The following COL5A1 variants were observed in gnomAD, a reference collection of about 807,000 sequenced individuals.
The protein encoded by COL5A1 is collagen alpha-1(V) chain.
A neutral mutation model predicts 263.7 loss-of-function variants in COL5A1; 16 were observed. The observed-to-expected ratio is 0.06, with a 90% CI of 0.04 to 0.09. The LOEUF is 0.09. Among genes scored for constraint, COL5A1 ranks in the 10% least tolerant of loss-of-function variants. The pLI is 1.00. For synonymous variants in COL5A1, 1,012 were observed against 1,004.5 expected, an observed-to-expected ratio of 1.01 and a Z score of -0.14; for missense variants, 2,036 against 2,540.5, an observed-to-expected ratio of 0.80 and a Z score of 4.27.
In COL5A1 at chr9:134,821,284, C is replaced by T. The variant is rs550741162; in HGVS notation, c.4555-813C>T. Among the ~76,000 whole-genome samples the T allele has an allele frequency of 9.2e-4, 140 of 152,196 alleles. No individual in the cohort carries two copies. Among genetic ancestry groups the T allele is most frequent in the Non-Finnish European group, 1.3e-3 (86 of 68,006 alleles). ...CCCTCACCCCAAACCATGGTCTTGG[C>T]GGCATTGCTGATGAAGGTGTCGGGT... is the stretch of plus-strand genomic sequence containing the variant. On this transcript the variant is annotated intron_variant, in intron 58 of 65. Coordinates refer to ENST00000371817, the MANE Select transcript of COL5A1 (RefSeq NM_000093.5). This position sits in a 1 kb window ranked among gnomAD's most constrained non-coding sequence, Gnocchi z 4.2.
chr9:134,819,939 C>G (rs749976038), intron 57 of COL5A1, among the ~76,000 whole-genome samples, 177 bp from the exon 58 acceptor site: 1 of 152,200 alleles, frequency 6.6e-6, no homozygotes, highest in Admixed American at 6.5e-5. Flanking sequence ...AGGGCCACCT[C>G]GGACCTGCCG....
At chr9:134,805,739 A>C (rs1355643825) in intron 41 of COL5A1, among the ~76,000 whole-genome samples, 2 of 151,936 alleles carry the variant, frequency 1.3e-5, no homozygotes, top group African/African-American at 4.8e-5. Context: ...CAGAGAGGGG[A>C]GTGGGTGCCC....
chr9:134,725,350 G>A lies in COL5A1; in HGVS notation c.655-1916G>A, dbSNP rs181290668. Among the ~76,000 whole-genome samples, 60 of 152,316 alleles carry A rather than the reference G, an allele frequency of 3.9e-4. 1 individual carries two copies. The highest frequency in any genetic ancestry group is 7.2e-4 in the Admixed American group (11 of 15,296). Reference sequence around the variant, plus strand: ...GTTCTTGAGGGCACAGAGAGACCAGGTGCAGGCTCTTTACCTTGTACTTGA... The same window carrying A: ...GTTCTTGAGGGCACAGAGAGACCAGATGCAGGCTCTTTACCTTGTACTTGA... On this transcript the variant is annotated intron_variant, in intron 4 of 65. Coordinates refer to ENST00000371817, the MANE Select transcript of COL5A1 (RefSeq NM_000093.5).
At chr9:134,668,939 C>T (rs1340067204) in intron 1 of COL5A1, among the ~76,000 whole-genome samples, 1 of 147,370 alleles carries the variant, frequency 6.8e-6, no homozygotes, top group East Asian at 2.0e-4. Flanking sequence ...AATCATCCAT[C>T]CTTCCACCCA....
At chr9:134,815,659 A>AT (rs777489011) in intron 51 of COL5A1, 30 bp downstream of exon 51, 7 of 1,610,638 alleles carry the variant, frequency 4.3e-6, no homozygotes, top group Non-Finnish European at 5.9e-6. Flanking sequence ...AAGCCACCGG[A>AT]TCCCCCACAG....
intron 32 of COL5A1, among the ~76,000 whole-genome samples, chr9:134,793,247 TC>T (rs755141740): frequency 4.5e-4 from 68 of 151,894 alleles, no homozygotes; most frequent in Non-Finnish European, 8.4e-4. Context: ...GTGTTTGACT[TC>T]CCCAGTAGAA....
chr9:134,744,120 C>G (rs908724716), intron 11 of COL5A1, among the ~76,000 whole-genome samples: 1 of 152,210 alleles, frequency 6.6e-6, no homozygotes, highest in Admixed American at 6.5e-5. Context: ...TCGAGAAAAG[C>G]TGTGGGGAAG....
chr9:134,815,660 TC>T (rs1838717237), intron 51 of COL5A1, 31 bp downstream of exon 51: 27 of 1,609,670 alleles, frequency 1.7e-5, no homozygotes, highest in Non-Finnish European at 2.3e-5. Context: ...AGCCACCGGA[TC>T]CCCCACAGTG....
chr9:134,705,901 G>A (rs1239962220), intron 4 of COL5A1, among the ~76,000 whole-genome samples: 1 of 152,234 alleles, frequency 6.6e-6, no homozygotes, highest in East Asian at 1.9e-4. Context: ...GAGGTCCATG[G>A]GGAAAGAACT....
chr9:134,823,302 TG>T (rs1839099559), intron 60 of COL5A1, 113 bp from the exon 61 acceptor site: 3 of 1,193,644 alleles, frequency 2.5e-6, no homozygotes, highest in Non-Finnish European at 3.8e-6. Flanking sequence ...CTGCTGTGGC[TG>T]ATAGGGCCAC....
rs377179559 is a variant in COL5A1 at position 134,642,767 on chromosome 9, C to T, written c.109+471C>T. Among the ~76,000 whole-genome samples the T allele has an allele frequency of 2.4e-4, 37 of 152,332 alleles. No homozygotes were observed. The highest frequency in any genetic ancestry group is 8.9e-4 in the African/African-American group (37 of 41,590). On this transcript the variant is annotated intron_variant, in intron 1 of 65. Transcript: ENST00000371817. The surrounding 1 kb of genome is among the most constrained non-coding windows in gnomAD (Gnocchi z 4.5). ...ATGGGGGGAATCCCAGAAGCCTGGG[C>T]CCCCAGCACTGAACTTCCCCCAGGC... is the stretch of plus-strand genomic sequence containing the variant.
chr9:134,806,795 TGGG>T (rs1838312891), intron 42 of COL5A1, among the ~76,000 whole-genome samples: 2 of 152,018 alleles, frequency 1.3e-5, no homozygotes, highest in African/African-American at 4.8e-5. Flanking sequence ...GTTTCTTGGT[TGGG>T]GGGCAGGTGT....
At chr9:134,785,520 A>T (rs1837423432) in intron 30 of COL5A1, among the ~76,000 whole-genome samples, 1 of 152,120 alleles carries the variant, frequency 6.6e-6, no homozygotes, top group African/African-American at 2.4e-5. Context: ...TGCAGCCATC[A>T]ATAGGCCTGC....
chr9:134,743,377 A>T (rs186535285), intron 11 of COL5A1, among the ~76,000 whole-genome samples: 8 of 152,156 alleles, frequency 5.3e-5, no homozygotes, highest in Non-Finnish European at 7.4e-5. Flanking sequence ...CCAGCCACTC[A>T]TCTATTGCTC....
rs77880207 is a variant in COL5A1, at chr9:134,667,590, A to G, written c.110-23322A>G. 2.2e-3 allele frequency among the ~76,000 whole-genome samples: 338 copies of G among 152,358 alleles called. 4 individuals carry two copies. The highest frequency in any genetic ancestry group is 7.6e-3 in the African/African-American group (316 of 41,588). On this transcript the variant is annotated intron_variant, in intron 1 of 65. Coordinates refer to ENST00000371817, the MANE Select transcript of COL5A1 (RefSeq NM_000093.5). ...GGGCCTCACCTTGGTGTCCAGCAGC[A>G]GGGCCACCTGCTGTCGCTAGGCTTA...
intron 1 of COL5A1, among the ~76,000 whole-genome samples, chr9:134,668,986 TCCACCCAC>T (rs1017179265): frequency 7.4e-6 from 1 of 135,658 alleles, no homozygotes. Context: ...CATCCATCCA[TCCACCCAC>T]CCACCCACTC....
At position 134,758,488 on chromosome 9, in the gene COL5A1, G is replaced by T. The variant is rs2132699511; in HGVS notation, c.1935+192G>T. Among the ~76,000 whole-genome samples the T allele has an allele frequency of 6.6e-6, 1 of 152,230 alleles. No homozygotes were observed. On this transcript the variant is annotated intron_variant, in intron 18 of 65. Coordinates refer to ENST00000371817, the MANE Select transcript of COL5A1 (RefSeq NM_000093.5). This position sits in a 1 kb window ranked among gnomAD's most constrained non-coding sequence, Gnocchi z 4.1. Reference sequence around the variant, plus strand: ...CAAGATGATGTCTTTGTTGATGGGTGGCCAGCCCAAAGGAATTGGAGCTCT... The same window carrying T: ...CAAGATGATGTCTTTGTTGATGGGTTGCCAGCCCAAAGGAATTGGAGCTCT...
chr9:134,735,278 C>G (rs965198743), intron 9 of COL5A1, among the ~76,000 whole-genome samples: 4 of 151,980 alleles, frequency 2.6e-5, no homozygotes, highest in Admixed American at 2.6e-4. Flanking sequence ...CAGGCACAGA[C>G]AGACACAGTG....
chr9:134,754,167 G>A lies in COL5A1; in HGVS notation c.1774-106G>A. On this transcript the variant is annotated intron_variant, in intron 15 of 65. Coordinates refer to ENST00000371817, the MANE Select transcript of COL5A1 (RefSeq NM_000093.5). This position sits in a 1 kb window ranked among gnomAD's most constrained non-coding sequence, Gnocchi z 4.3. ...CGAAGTGCCCACATGTTTGTGGCTT[G>A]GACAGCCAGGCATGGGCAGGGTCGA... The A allele has an allele frequency of 8.1e-7, 1 of 1,229,394 alleles. No homozygotes were observed. Among genetic ancestry groups the A allele is most frequent in the Non-Finnish European group, 1.2e-6 (1 of 852,236 alleles). The allele number at this position is 1,229,394 out of a possible 1,614,324, so 76.2% of individuals were successfully genotyped here. A position where few individuals can be genotyped will look rare whatever the true frequency, so the allele number is the denominator to read the frequency against.
Sources: allele counts gnomAD v4.1 joint callset (sites outside exome capture counted in the v4.1 genomes callset), GRCh38; gene constraint gnomAD v4.1.1; non-coding constraint Gnocchi (gnomAD v3.1); transcripts MANE v1.5; gene names NCBI Gene and HGNC (gene_info 2026-07-23, HGNC 2026-07-21).